CPA6: variants seen among roughly 807,000 people sequenced by gnomAD.
CPA6 encodes the protein carboxypeptidase B.
In CPA6, 58 loss-of-function variants were observed where a neutral mutation model predicts 63.3. That is an observed-to-expected ratio of 0.92 (90% confidence interval 0.74 to 1.14). CPA6 has a LOEUF of 1.14. CPA6 is among the 50% of genes most tolerant of loss of function. CPA6 has a pLI of 0.00. For synonymous variants in CPA6, 185 were observed against 179.0 expected, an observed-to-expected ratio of 1.03 and a Z score of -0.27; for missense variants, 565 against 526.6, an observed-to-expected ratio of 1.07 and a Z score of -0.71.
At chr8:67,713,063 ATGTGTGTATC>A (rs1298759780) in intron 1 of CPA6, among the ~76,000 whole-genome samples, 4 of 128,948 alleles carry the variant, frequency 3.1e-5, no homozygotes, top group Non-Finnish European at 4.8e-5. Flanking sequence ...CTTTATAAGC[ATGTGTGTATC>A]TGTGTGTGTA....
At chr8:67,738,629 GA>G (rs1021803812) in intron 1 of CPA6, among the ~76,000 whole-genome samples, 2 of 150,496 alleles carry the variant, frequency 1.3e-5, no homozygotes, top group African/African-American at 4.9e-5. Context: ...AAGTACACTG[GA>G]AAAAAAAAGA....
intron 8 of CPA6, among the ~76,000 whole-genome samples, chr8:67,443,714 TG>T (rs1252624115): frequency 6.6e-6 from 1 of 152,214 alleles, no homozygotes; most frequent in Non-Finnish European, 1.5e-5. Context: ...CAAATTTTTA[TG>T]TTAGACTGAT....
intron 2 of CPA6, among the ~76,000 whole-genome samples, chr8:67,555,051 T>C (rs535927022): frequency 2.0e-5 from 3 of 152,352 alleles, no homozygotes; most frequent in African/African-American, 7.2e-5. Context: ...AACAATGCTA[T>C]ACCAGGTAGT....
chr8:67,681,200 C>CTT lies in CPA6; in HGVS notation c.117-56951_117-56950dup, dbSNP rs1007305743. 6.9e-3 allele frequency among the ~76,000 whole-genome samples: 618 copies of CTT among 89,856 alleles called. 141 individuals carry two copies. Among genetic ancestry groups the CTT allele is most frequent in the African/African-American group, 0.033 (529 of 16,222 alleles). The allele number at this position is 89,856 out of a possible 152,430, so 58.9% of individuals were successfully genotyped here. On this transcript the variant is annotated intron_variant, in intron 1 of 10. Coordinates refer to ENST00000297770, the MANE Select transcript of CPA6 (RefSeq NM_020361.5). ...CTCAACCCAAGGTCACAAAGATTTT[C>CTT]TTTTTTTTTTTTTTTTTTTTGAGAC... is the stretch of plus-strand genomic sequence containing the variant.
intron 2 of CPA6, among the ~76,000 whole-genome samples, chr8:67,524,597 A>G (rs141798581): frequency 0.018 from 2,748 of 149,412 alleles, 38 homozygotes; most frequent in Non-Finnish European, 0.03. Flanking sequence ...CAGATTCTTA[A>G]GTACATTTGA....
intron 1 of CPA6, among the ~76,000 whole-genome samples, chr8:67,656,558 C>G (rs529649310): frequency 3.7e-4 from 57 of 152,208 alleles, no homozygotes; most frequent in Non-Finnish European, 6.6e-4. Flanking sequence ...ACCTTATGAC[C>G]ATGTTGAGGT....
chr8:67,541,160 G>A (rs373790089), intron 2 of CPA6, among the ~76,000 whole-genome samples: 6 of 152,020 alleles, frequency 3.9e-5, no homozygotes, highest in East Asian at 3.9e-4. Flanking sequence ...TGAAACCCAC[G>A]GCCCTGGTGA....
chr8:67,436,693 T>C (rs1228220555), intron 8 of CPA6, among the ~76,000 whole-genome samples: 1 of 152,050 alleles, frequency 6.6e-6, no homozygotes, highest in Non-Finnish European at 1.5e-5. Context: ...AAACTATATA[T>C]GGTATATTTA....
chr8:67,526,809 A>G (rs13281842), intron 2 of CPA6, among the ~76,000 whole-genome samples: 13,434 of 152,212 alleles, frequency 0.088, 784 homozygotes, highest in Middle Eastern at 0.25. Context: ...CTTTTCATAT[A>G]AAAGAGCCAA....
intron 2 of CPA6, among the ~76,000 whole-genome samples, chr8:67,588,299 T>C (rs994306067): frequency 1.3e-5 from 2 of 152,196 alleles, no homozygotes; most frequent in Non-Finnish European, 2.9e-5. Context: ...ACTGATTAGA[T>C]GACTGGAGGT....
At chr8:67,501,270 G>A (rs955691184) in intron 6 of CPA6, among the ~76,000 whole-genome samples, 1 of 152,016 alleles carries the variant, frequency 6.6e-6, no homozygotes, top group African/African-American at 2.4e-5. Context: ...TGTAAGTCCT[G>A]TACATGTTTT....
intron 8 of CPA6, among the ~76,000 whole-genome samples, chr8:67,467,395 C>T (rs544831029): frequency 6.6e-6 from 1 of 152,282 alleles, no homozygotes; most frequent in Admixed American, 6.5e-5. Flanking sequence ...CCACAAGCAC[C>T]TCAAATCCAC....
chr8:67,552,511 T>C (rs142586259), intron 2 of CPA6, among the ~76,000 whole-genome samples: 3,960 of 152,168 alleles, frequency 0.026, 61 homozygotes, highest in Middle Eastern at 0.044. Flanking sequence ...CGGTGGCTCA[T>C]GCCTGTAATC....
At chr8:67,663,698 G>A (rs1031522616) in intron 1 of CPA6, among the ~76,000 whole-genome samples, 3 of 152,244 alleles carry the variant, frequency 2.0e-5, no homozygotes, top group Non-Finnish European at 4.4e-5. Flanking sequence ...CAAAGGACAT[G>A]ATCTCATTCC....
intron 6 of CPA6, 72 bp downstream of exon 6, chr8:67,506,715 T>C (rs1447331093): frequency 1.5e-5 from 14 of 964,310 alleles, no homozygotes; most frequent in Non-Finnish European, 2.4e-5. Context: ...ATTCCCACTT[T>C]GTTAAGCAGA....
At chr8:67,708,219 T>A (rs549008279) in intron 1 of CPA6, among the ~76,000 whole-genome samples, 2 of 152,320 alleles carry the variant, frequency 1.3e-5, no homozygotes, top group South Asian at 4.1e-4. Flanking sequence ...AAGAAGCCTA[T>A]AAGGCAAATA....
rs368172519 is a variant in CPA6, at chr8:67,681,283, C to G, written c.117-57032G>C. 3.7e-3 allele frequency among the ~76,000 whole-genome samples: 515 copies of G among 139,068 alleles called. 4 individuals carry two copies. Among genetic ancestry groups the G allele is most frequent in the African/African-American group, 0.014 (497 of 34,866 alleles). The allele number at this position is 139,068 out of a possible 152,430, so 91.2% of individuals were successfully genotyped here. On this transcript the variant is annotated intron_variant, in intron 1 of 10. Coordinates refer to ENST00000297770, the MANE Select transcript of CPA6 (RefSeq NM_020361.5). ...GGACTGCAGTGGCGCAATCTCGGCT[C>G]ACTGCAAGCTCCGCTTCCCGGGTTC...
chr8:67,691,357 G>T (rs1398293954), intron 1 of CPA6, among the ~76,000 whole-genome samples: 2 of 152,184 alleles, frequency 1.3e-5, no homozygotes, highest in African/African-American at 4.8e-5. Flanking sequence ...AATTTAGGTG[G>T]CCATCAGTGA....
intron 2 of CPA6, among the ~76,000 whole-genome samples, chr8:67,558,651 AG>A (rs1404542524): frequency 2.0e-5 from 3 of 152,214 alleles, no homozygotes; most frequent in African/African-American, 4.8e-5. Flanking sequence ...TCTGGGGAAA[AG>A]GGTTTGGCAG....
Sources: gnomAD v4.1 joint callset for allele counts (sites outside exome capture counted in the v4.1 genomes callset) on GRCh38, gnomAD v4.1.1 for gene constraint, MANE v1.5 for transcripts, NCBI Gene and HGNC (gene_info 2026-07-23, HGNC 2026-07-21) for gene names.